Variants in MIPOL1 observed in about 807,000 individuals in gnomAD.
The protein encoded by MIPOL1 is mirror-image polydactyly 1, also known as mirror-image polydactyly gene 1 protein.
Under a neutral mutation model 60.9 loss-of-function variants are expected in MIPOL1, and 57 were observed. That is an observed-to-expected ratio of 0.94 (90% CI 0.76 to 1.17). The LOEUF is 1.17. Among genes scored for constraint, MIPOL1 ranks in the 50% most tolerant of loss-of-function variants. The pLI, the probability that MIPOL1 is intolerant of heterozygous loss-of-function variation, is 0.00. For missense variants in MIPOL1, 551 were observed against 511.6 expected (o/e 1.08, Z -0.74); for synonymous variants, 179 against 168.8 (o/e 1.06, Z -0.47).
At position 37,346,479 on chromosome 14, in the gene MIPOL1, G is replaced by C. The variant is rs527288644; in HGVS notation, c.829-23038G>C. ...GGATAAATACCCTCAGTGTAAAACAGCTTTATTATTTTTATATTATGCTTA... is the reference window on the plus strand; with the variant it reads ...GGATAAATACCCTCAGTGTAAAACACCTTTATTATTTTTATATTATGCTTA... On this transcript the variant is annotated intron_variant, in intron 9 of 12. Coordinates refer to ENST00000684589, the MANE Select transcript of MIPOL1 (RefSeq NM_001388067.1). Among the ~76,000 whole-genome samples, 14 of 152,110 alleles carry C rather than the reference G, an allele frequency of 9.2e-5. 1 individual carries two copies. In the East Asian group the frequency reaches 2.7e-3, roughly 29 times the overall value.
chr14:37,422,819 GA>G, intron 10 of MIPOL1, 35 bp from the exon 11 acceptor site: 1 of 1,376,602 alleles, frequency 7.3e-7, no homozygotes, highest in Non-Finnish European at 1.0e-6. Context: ...ATACCAAAAT[GA>G]ATACTGAATT....
intron 1 of MIPOL1, among the ~76,000 whole-genome samples, chr14:37,245,234 A>G (rs1319163399): frequency 6.6e-6 from 1 of 152,164 alleles, no homozygotes; most frequent in African/African-American, 2.4e-5. Flanking sequence ...GAATATGAAA[A>G]TCTTGTGTTA....
intron 10 of MIPOL1, among the ~76,000 whole-genome samples, chr14:37,420,963 A>G (rs1178598767): frequency 6.6e-6 from 1 of 152,176 alleles, no homozygotes; most frequent in Non-Finnish European, 1.5e-5. Flanking sequence ...AGTTTATAAT[A>G]GCTTTGAACA....
intron 10 of MIPOL1, among the ~76,000 whole-genome samples, chr14:37,378,499 G>T (rs1455921372): frequency 6.6e-6 from 1 of 152,016 alleles, no homozygotes; most frequent in African/African-American, 2.4e-5. Flanking sequence ...GTGGTTGCTA[G>T]GAGTTAGGTT....
At chr14:37,407,839 C>CTTTTTT (rs2093614739) in intron 10 of MIPOL1, among the ~76,000 whole-genome samples, 3 of 59,788 alleles carry the variant, frequency 5.0e-5, no homozygotes, top group African/African-American at 2.1e-4. Context: ...CTTTCTTCTT[C>CTTTTTT]TTCTTCTTTT....
At chr14:37,527,398 G>A (rs543859663) in intron 12 of MIPOL1, among the ~76,000 whole-genome samples, 1 of 152,026 alleles carries the variant, frequency 6.6e-6, no homozygotes, top group Admixed American at 6.5e-5. Flanking sequence ...TAGCCGTTGT[G>A]TTATTTTTTT....
At chr14:37,259,276 C>A (rs546501707) in intron 3 of MIPOL1, among the ~76,000 whole-genome samples, 1 of 152,096 alleles carries the variant, frequency 6.6e-6, no homozygotes, top group Non-Finnish European at 1.5e-5. Flanking sequence ...TACATATGCA[C>A]TGGGGACAGT....
At chr14:37,479,470 A>G in intron 11 of MIPOL1, among the ~76,000 whole-genome samples, 2 of 152,300 alleles carry the variant, frequency 1.3e-5, no homozygotes, top group Non-Finnish European at 1.5e-5. Flanking sequence ...ATTAAAAGAA[A>G]TATTTAAAAA....
intron 1 of MIPOL1, among the ~76,000 whole-genome samples, chr14:37,228,325 CTTTTTTTTTTTT>C (rs397961053): frequency 3.8e-5 from 4 of 105,178 alleles, no homozygotes; most frequent in Admixed American, 2.0e-4. Context: ...TCTTTCTTTT[CTTTTTTTTTTTT>C]TTTTTTTTTA....
chr14:37,463,694 C>G (rs141801712), intron 11 of MIPOL1, among the ~76,000 whole-genome samples: 20 of 152,050 alleles, frequency 1.3e-4, no homozygotes, highest in Admixed American at 1.2e-3. Context: ...GGACATCAGC[C>G]TAAGCAAAGA....
At chr14:37,332,981 A>G (rs1418792089) in intron 9 of MIPOL1, among the ~76,000 whole-genome samples, 2 of 152,320 alleles carry the variant, frequency 1.3e-5, no homozygotes, top group Non-Finnish European at 2.9e-5. Flanking sequence ...GCAATACTTT[A>G]GCTCACTGCA....
chr14:37,364,270 C>T (rs910813741), intron 9 of MIPOL1, among the ~76,000 whole-genome samples: 14 of 152,198 alleles, frequency 9.2e-5, no homozygotes, highest in Admixed American at 9.2e-4. Context: ...TGTCTTGGAA[C>T]AGAAACCAAG....
intron 9 of MIPOL1, among the ~76,000 whole-genome samples, chr14:37,350,532 A>C (rs2091279500): frequency 6.6e-6 from 1 of 152,046 alleles, no homozygotes; most frequent in African/African-American, 2.4e-5. Flanking sequence ...GGCATGCAAT[A>C]ATCTTGGGGT....
chr14:37,525,888 T>G (rs181570420), intron 12 of MIPOL1, among the ~76,000 whole-genome samples: 227 of 152,324 alleles, frequency 1.5e-3, no homozygotes, highest in African/African-American at 5.1e-3. Context: ...GACTTTACAT[T>G]GCTTTGTGCC....
At chr14:37,362,389 A>C (rs902239162) in intron 9 of MIPOL1, among the ~76,000 whole-genome samples, 1 of 152,162 alleles carries the variant, frequency 6.6e-6, no homozygotes, top group Admixed American at 6.5e-5. Context: ...CTGGATATGA[A>C]ATTCTGGGTT....
intron 9 of MIPOL1, among the ~76,000 whole-genome samples, chr14:37,327,602 G>A (rs1297610113): frequency 1.3e-5 from 2 of 152,100 alleles, no homozygotes; most frequent in Non-Finnish European, 2.9e-5. Flanking sequence ...GCAGTCTTTA[G>A]CTGACAGTGA....
At chr14:37,316,058 G>T (rs1176117352) in intron 9 of MIPOL1, among the ~76,000 whole-genome samples, 6 of 148,278 alleles carry the variant, frequency 4.0e-5, no homozygotes, top group Non-Finnish European at 8.9e-5. Flanking sequence ...ACCGAATCTT[G>T]CTCTGTTGCC....
intron 6 of MIPOL1, among the ~76,000 whole-genome samples, chr14:37,275,140 A>G (rs1412866129): frequency 1.3e-5 from 2 of 151,284 alleles, no homozygotes. Context: ...AAAAAAAGTT[A>G]AAATGTGTAA....
intron 7 of MIPOL1, among the ~76,000 whole-genome samples, chr14:37,305,337 A>C (rs1187367377): frequency 1.3e-5 from 2 of 151,734 alleles, no homozygotes; most frequent in Non-Finnish European, 3.0e-5. Context: ...ATTTTCCAAC[A>C]CTCTGTATCA....
Sources: allele counts gnomAD v4.1 joint callset (sites outside exome capture counted in the v4.1 genomes callset), GRCh38; gene constraint gnomAD v4.1.1; transcripts MANE v1.5; gene names NCBI Gene and HGNC (gene_info 2026-07-23, HGNC 2026-07-21).